The following RABEPK variants were observed in gnomAD, a reference collection of about 807,000 sequenced individuals.
The protein encoded by RABEPK is Rab9 effector protein with kelch motifs, also known as 40 kDa Rab9 effector protein.
In RABEPK, 27 loss-of-function variants were observed where a neutral mutation model predicts 34.1. The observed-to-expected ratio is 0.79, with a 90% CI of 0.58 to 1.09. The LOEUF (loss-of-function observed/expected upper bound fraction) is 1.09. Among genes scored for constraint, RABEPK ranks in the 50% least tolerant of loss-of-function variants. RABEPK has a pLI of 0.00. For missense variants in RABEPK, 449 were observed against 462.6 expected (o/e 0.97, Z 0.27); for synonymous variants, 172 against 169.2 (o/e 1.02, Z -0.13).
intron 2 of RABEPK, among the ~76,000 whole-genome samples, chr9:125,206,740 C>T (rs1830250121): frequency 6.6e-6 from 1 of 152,116 alleles, no homozygotes; most frequent in African/African-American, 2.4e-5. Flanking sequence ...TGAGTCCTTC[C>T]CTGCCCTGTT....
intron 7 of RABEPK, 66 bp from the exon 8 acceptor site, chr9:125,233,622 G>A (rs964843645): frequency 1.5e-5 from 23 of 1,524,754 alleles, no homozygotes; most frequent in African/African-American, 2.7e-5. Flanking sequence ...GATTACAGGC[G>A]TGAGCCACCG....
intron 5 of RABEPK, among the ~76,000 whole-genome samples, chr9:125,223,431 G>A (rs1831500733): frequency 6.6e-6 from 1 of 152,062 alleles, no homozygotes; most frequent in Admixed American, 6.6e-5. Flanking sequence ...ACTCTAGCCT[G>A]GGTGACAGAG....
At chr9:125,229,937 G>GCA (rs2131433527) in intron 6 of RABEPK, among the ~76,000 whole-genome samples, 1 of 152,258 alleles carries the variant, frequency 6.6e-6, no homozygotes, top group African/African-American at 2.4e-5. Flanking sequence ...CTAGCACTTA[G>GCA]CACAGTGTCT....
chr9:125,223,640 G>A (rs79998105), intron 5 of RABEPK, among the ~76,000 whole-genome samples: 4,906 of 149,814 alleles, frequency 0.033, 237 homozygotes, highest in African/African-American at 0.11. Flanking sequence ...CTGGAGGACC[G>A]CTTGGGCCCA....
intron 4 of RABEPK, among the ~76,000 whole-genome samples, chr9:125,214,792 C>CTTTTTTTTTTTTTTTTTTTTTTTTGTTT (rs34203731): frequency 7.2e-6 from 1 of 138,916 alleles, no homozygotes; most frequent in Non-Finnish European, 1.5e-5. Flanking sequence ...AATTTTCTGT[C>CTTTTTTTTTTTTTTTTTTTTTTTTGTTT]TTTTTTTTTT....
chr9:125,220,101 C>T (rs1466224900), intron 4 of RABEPK, among the ~76,000 whole-genome samples: 1 of 151,866 alleles, frequency 6.6e-6, no homozygotes, highest in African/African-American at 2.4e-5. Context: ...TGGGTTCAAG[C>T]GATTCTCCTG....
At chr9:125,227,342 G>T (rs1564195740) in intron 5 of RABEPK, among the ~76,000 whole-genome samples, 1 of 152,058 alleles carries the variant, frequency 6.6e-6, no homozygotes, top group Non-Finnish European at 1.5e-5. Flanking sequence ...TGGCTTCCGG[G>T]TGCTGAGTAG....
intron 3 of RABEPK, among the ~76,000 whole-genome samples, chr9:125,209,057 CTT>C (rs35098822): frequency 1.1e-4 from 13 of 121,714 alleles, no homozygotes; most frequent in Admixed American, 8.5e-5. Context: ...CTCAACCTCC[CTT>C]TTTTTTTTTT....
chr9:125,203,179 A>G, intron 2 of RABEPK, 113 bp downstream of exon 2: 2 of 843,262 alleles, frequency 2.4e-6, no homozygotes. Flanking sequence ...AACTGTCTGC[A>G]GTTTCTGGTA....
At position 125,200,676 on chromosome 9, in the gene RABEPK, C is replaced by T. The variant is rs145223861; in HGVS notation, c.-237C>T. 2 of 471,190 alleles carry T rather than the reference C, an allele frequency of 4.2e-6. No homozygotes were observed. Among genetic ancestry groups the T allele is most frequent in the African/African-American group, 4.0e-5 (2 of 50,216 alleles). 29.2% of individuals were successfully genotyped at this position (471,190 alleles called of 1,614,324 possible). ...AGTCTGAATCTTTTAGGGGAGTGGG[C>T]CCAAGCCGGGTGCAAAGAACGGGGA... On this transcript the variant is annotated 5_prime_UTR_variant, in exon 1 of 8. Transcript: ENST00000373538.
chr9:125,204,191 G>A (rs6478699), intron 2 of RABEPK, among the ~76,000 whole-genome samples: 70,514 of 151,614 alleles, frequency 0.47, 16,971 homozygotes, highest in African/African-American at 0.55. Flanking sequence ...AAAATTAGCC[G>A]GGCGTGGTGG....
chr9:125,213,284 C>T, intron 3 of RABEPK, 86 bp from the exon 4 acceptor site: 1 of 1,333,092 alleles, frequency 7.5e-7, no homozygotes, highest in Non-Finnish European at 1.0e-6. Context: ...ATGTTTATGG[C>T]CCTCTTCTCA....
chr9:125,228,533 C>T (rs978953849), intron 6 of RABEPK, among the ~76,000 whole-genome samples: 3 of 151,310 alleles, frequency 2.0e-5, no homozygotes, highest in African/African-American at 7.3e-5. Flanking sequence ...GGCACATGTG[C>T]CTGTAATCCC....
rs763703258 is a variant in RABEPK at position 125,220,711 on chromosome 9, G to A, written c.526+11G>A. 1.4e-5 allele frequency: 23 copies of A among 1,612,960 alleles called. No individual in the cohort carries two copies. In the South Asian group the frequency reaches 2.2e-4, roughly 15 times the overall value. On this transcript the variant is annotated intron_variant, in intron 5 of 7. Coordinates refer to ENST00000373538, the MANE Select transcript of RABEPK (RefSeq NM_005833.4). ...ATGTGTTTGACGCAAGTATGGACTGGTGGGCACCTTGGGGCTGGTCAGGGC... is the reference window on the plus strand; with the variant it reads ...ATGTGTTTGACGCAAGTATGGACTGATGGGCACCTTGGGGCTGGTCAGGGC...
At chr9:125,212,877 C>T (rs1830678499) in intron 3 of RABEPK, among the ~76,000 whole-genome samples, 1 of 151,922 alleles carries the variant, frequency 6.6e-6, no homozygotes, top group Non-Finnish European at 1.5e-5. Context: ...ACCATGTTGG[C>T]CAGGATGGAT....
In RABEPK at chr9:125,207,635, T is replaced by C; in HGVS notation, c.125T>C (p.Val42Ala). Reference sequence around the variant, plus strand: ...CACAGCTGTTCATATTTACCCCCAGTTGGTAATGCCAAGAGAGGGAAGGTC... The same window carrying C: ...CACAGCTGTTCATATTTACCCCCAGCTGGTAATGCCAAGAGAGGGAAGGTC... ...VGHSCSYLPP[V>A]GNAKRGKVFI... The change falls in exon 3 of 8, where the codon GTT becomes GCT. Residue 42 changes from valine (V) to alanine (A), a missense_variant. By Grantham distance (64) the Val-to-Ala change is moderately conservative (BLOSUM62 0). Transcript: ENST00000373538. 1.9e-6 allele frequency: 3 copies of C among 1,613,978 alleles called. No individual in the cohort carries two copies. Among genetic ancestry groups the C allele is most frequent in the Non-Finnish European group, 2.5e-6 (3 of 1,179,988 alleles).
intron 6 of RABEPK, among the ~76,000 whole-genome samples, chr9:125,230,892 A>C (rs1832126046): frequency 6.6e-6 from 1 of 152,024 alleles, no homozygotes; most frequent in South Asian, 2.1e-4. Context: ...ATGGGGTCTT[A>C]ATGCTTATTT....
chr9:125,231,141 A>G (rs150935068), intron 6 of RABEPK, among the ~76,000 whole-genome samples: 12,206 of 151,816 alleles, frequency 0.08, 673 homozygotes, highest in Middle Eastern at 0.21. Flanking sequence ...TGTCTCTACT[A>G]AAAATGCAAA....
chr9:125,230,645 C>T (rs1054894245), intron 6 of RABEPK, among the ~76,000 whole-genome samples: 4 of 151,442 alleles, frequency 2.6e-5, no homozygotes, highest in Admixed American at 2.6e-4. Flanking sequence ...ATGCCATTCT[C>T]CTGCCTCAGC....
Sources: allele counts gnomAD v4.1 joint callset (sites outside exome capture counted in the v4.1 genomes callset), GRCh38; gene constraint gnomAD v4.1.1; transcripts MANE v1.5; gene names NCBI Gene and HGNC (gene_info 2026-07-23, HGNC 2026-07-21).